Variants in DEPDC4 observed in about 807,000 individuals in gnomAD.
DEPDC4 encodes the protein DEP domain-containing protein 4.
A neutral mutation model predicts 52.0 loss-of-function variants in DEPDC4; 52 were observed. The ratio of observed to expected loss-of-function variants is 1.00; its 90% CI spans 0.80 to 1.26. The LOEUF (loss-of-function observed/expected upper bound fraction) is 1.26. Ranked by LOEUF, DEPDC4 falls within the 50% of genes most tolerant of loss-of-function variation. The pLI, the probability that DEPDC4 is intolerant of heterozygous loss-of-function variation, is 0.00. For missense variants in DEPDC4, 530 were observed against 546.9 expected, an observed-to-expected ratio of 0.97 and a Z score of 0.31; for synonymous variants, 201 against 196.8, an observed-to-expected ratio of 1.02 and a Z score of -0.18.
At chr12:100,250,665 A>G (rs1313277957) in intron 7 of DEPDC4, among the ~76,000 whole-genome samples, 1 of 152,220 alleles carries the variant, frequency 6.6e-6, no homozygotes, top group East Asian at 1.9e-4. Context: ...AGTGAGAAAG[A>G]GGAAAGCAGA....
the DEPDC4 span, among the ~76,000 whole-genome samples, chr12:100,280,493 C>T: frequency 6.6e-6 from 1 of 152,130 alleles, no homozygotes; most frequent in Non-Finnish European, 1.5e-5. Context: ...TCATGTAACC[C>T]TAGAGATGCA....
chr12:100,262,925 A>G (rs564036978), intron 2 of DEPDC4, among the ~76,000 whole-genome samples: 43 of 152,384 alleles, frequency 2.8e-4, no homozygotes, highest in African/African-American at 1.0e-3. Context: ...TATTGGAAAC[A>G]GTAAAAACTA....
chr12:100,259,174 G>T (rs1287723587), intron 3 of DEPDC4, among the ~76,000 whole-genome samples: 1 of 151,200 alleles, frequency 6.6e-6, no homozygotes, highest in South Asian at 2.1e-4. Context: ...GGCACAGAAG[G>T]CAGGACATAG....
upstream of DEPDC4, among the ~76,000 whole-genome samples, chr12:100,270,239 G>A (rs370277197): frequency 3.8e-4 from 58 of 152,102 alleles, no homozygotes; most frequent in South Asian, 7.7e-3. Flanking sequence ...CACCCGCCTC[G>A]GCTTCCCAAA....
the DEPDC4 span, among the ~76,000 whole-genome samples, chr12:100,273,293 T>G: frequency 6.6e-6 from 1 of 152,192 alleles, no homozygotes; most frequent in Admixed American, 6.5e-5. Flanking sequence ...TCTATCCAGT[T>G]TACTCCTCTA....
upstream of DEPDC4, chr12:100,267,160 C>G: frequency 2.1e-6 from 3 of 1,456,496 alleles, no homozygotes; most frequent in Non-Finnish European, 2.8e-6. Flanking sequence ...GTCATGCCCC[C>G]GGCCGGCAGG....
chr12:100,276,959 A>G, the DEPDC4 span, among the ~76,000 whole-genome samples: 1 of 152,062 alleles, frequency 6.6e-6, no homozygotes, highest in Non-Finnish European at 1.5e-5. Context: ...ATTCTCTTCA[A>G]AATATTTTAA....
At chr12:100,263,381 T>C in intron 2 of DEPDC4, 116 bp downstream of exon 2, 2 of 856,838 alleles carry the variant, frequency 2.3e-6, no homozygotes, top group Non-Finnish European at 3.5e-6. Context: ...AATTTTCACA[T>C]GGATTTTTTT....
At chr12:100,259,706 A>C (rs2096247123) in intron 3 of DEPDC4, among the ~76,000 whole-genome samples, 2 of 152,160 alleles carry the variant, frequency 1.3e-5, no homozygotes, top group African/African-American at 4.8e-5. Context: ...TTAGAAAATT[A>C]ATGGATGTGC....
chr12:100,241,785 A>G lies in DEPDC4; in HGVS notation c.*107T>C. 7.9e-7 allele frequency: 1 copy of G among 1,269,480 alleles called. No homozygotes were observed. Among genetic ancestry groups the G allele is most frequent in the Non-Finnish European group, 1.0e-6 (1 of 979,198 alleles). 78.6% of individuals were successfully genotyped at this position (1,269,480 alleles called of 1,614,324 possible). A position where few individuals can be genotyped will look rare whatever the true frequency, so the allele number is the denominator to read the frequency against. ...AAGAGCCAACTGGTGTAGATACTGA[A>G]TTGTCCTTCCCTTCTGCTTTTCAAA... On this transcript the variant is annotated 3_prime_UTR_variant, in exon 10 of 10. Coordinates refer to ENST00000550587, the MANE Select transcript of DEPDC4 (RefSeq NM_001364818.2).
At chr12:100,257,978 TAGA>T (rs2096240970) in intron 3 of DEPDC4, among the ~76,000 whole-genome samples, 1 of 112 alleles carries the variant, frequency 8.9e-3, no homozygotes, top group African/African-American at 0.062. Flanking sequence ...AATGTATTGA[TAGA>T]TAGATAGATA....
intron 1 of DEPDC4, among the ~76,000 whole-genome samples, chr12:100,266,388 G>A (rs1275146312): frequency 6.6e-6 from 1 of 152,170 alleles, no homozygotes; most frequent in Non-Finnish European, 1.5e-5. Context: ...AAAGTGATGG[G>A]CGGAGGTGGG....
At chr12:100,232,642 G>C (rs1263971171) in intron 9 of DEPDC4, among the ~76,000 whole-genome samples, 1 of 152,146 alleles carries the variant, frequency 6.6e-6, no homozygotes, top group Non-Finnish European at 1.5e-5. Flanking sequence ...CCAGCACTTT[G>C]GGAGGCCAAG....
At position 100,241,435 on chromosome 12, in the gene DEPDC4, T is replaced by C. The variant is rs2096158181; in HGVS notation, c.*457A>G. On this transcript the variant is annotated 3_prime_UTR_variant, in exon 10 of 10. Transcript: ENST00000550587. ...AATAATGGCCAAGTACAGTGACTCA[T>C]GCCTATAATCCCAGCACTTTAAGAG... 6.6e-6 allele frequency among the ~76,000 whole-genome samples: 1 copy of C among 152,112 alleles called. No individual in the cohort carries two copies. The highest frequency in any genetic ancestry group is 2.1e-4 in the South Asian group (1 of 4,830).
chr12:100,281,019 G>GTTTTTTTTTTTT, the DEPDC4 span, among the ~76,000 whole-genome samples: 3 of 50,492 alleles, frequency 5.9e-5, no homozygotes, highest in African/African-American at 2.1e-4. Flanking sequence ...TACCATCAGT[G>GTTTTTTTTTTTT]TTTTTTTTTT....
intron 8 of DEPDC4, among the ~76,000 whole-genome samples, chr12:100,244,057 G>T (rs2096171870): frequency 8.5e-6 from 1 of 118,328 alleles, no homozygotes; most frequent in African/African-American, 3.1e-5. Flanking sequence ...CTTAGCACAG[G>T]CAGAGGTGTC....
chr12:100,252,581 G>A (rs1286644506), intron 5 of DEPDC4, 45 bp from the exon 6 acceptor site: 1 of 1,538,904 alleles, frequency 6.5e-7, no homozygotes, highest in Admixed American at 2.1e-5. Flanking sequence ...GATGAAAAAT[G>A]GAGAGTATAG....
Position 100,241,611 on chromosome 12 carries a change from G to C in DEPDC4, c.*281C>G. 2 of 999,946 alleles carry C rather than the reference G, an allele frequency of 2.0e-6. No individual in the cohort carries two copies. The highest frequency in any genetic ancestry group is 2.5e-6 in the Non-Finnish European group (2 of 800,928). 61.9% of individuals were successfully genotyped at this position (999,946 alleles called of 1,614,324 possible). A position where few individuals can be genotyped will look rare whatever the true frequency, so the allele number is the denominator to read the frequency against. On this transcript the variant is annotated 3_prime_UTR_variant, in exon 10 of 10. Transcript: ENST00000550587. ...CTCTGAAGTGTAAGTATGGCAATTT[G>C]AGAAAACCACCAGAGAATTGTTTAT...
At position 100,253,689 on chromosome 12, in the gene DEPDC4, A is replaced by G. The variant is rs993191686; in HGVS notation, c.905T>C (p.Ile302Thr). The stretch of plus-strand genomic sequence containing the variant: ...GTCAGGGAAATACTCCAAGCATTCA[A>G]TTGCTGCATTAAGCCAGTTATCGAT... ...PEIDNWLNAA[I>T]ECLEYFPDQL... The change falls in exon 5 of 10, where the codon ATT becomes ACT. Residue 302 changes from isoleucine to threonine, a missense_variant. By Grantham distance (89) the Ile-to-Thr change is moderately conservative (BLOSUM62 -1). Transcript: ENST00000550587. 4 of 1,289,648 alleles carry G rather than the reference A, an allele frequency of 3.1e-6. No individual in the cohort carries two copies. In the African/African-American group the frequency reaches 6.1e-5, roughly 20 times the overall value. 79.9% of individuals were successfully genotyped at this position (1,289,648 alleles called of 1,614,324 possible).
Sources: gnomAD v4.1 joint callset for allele counts (sites outside exome capture counted in the v4.1 genomes callset) on GRCh38, gnomAD v4.1.1 for gene constraint, MANE v1.5 for transcripts, NCBI Gene and HGNC (gene_info 2026-07-23, HGNC 2026-07-21) for gene names.